CAMK4: variants seen among roughly 807,000 people sequenced by gnomAD.
CAMK4 encodes the protein calcium/calmodulin-dependent protein kinase type IV.
CAMK4 carries 22 observed loss-of-function variants against 44.9 expected under a neutral mutation model. That is an observed-to-expected ratio of 0.49 (90% confidence interval 0.35 to 0.70). The LOEUF is 0.70. CAMK4 is among the 30% of genes least tolerant of loss of function. The pLI, the probability that CAMK4 is intolerant of heterozygous loss-of-function variation, is 0.01. For synonymous variants in CAMK4, 218 were observed against 215.4 expected (o/e 1.01, Z -0.11); for missense variants, 498 against 586.8 (o/e 0.85, Z 1.56).
intron 5 of CAMK4, among the ~76,000 whole-genome samples, chr5:111,416,034 C>T (rs1373742110): frequency 6.6e-6 from 1 of 152,050 alleles, no homozygotes; most frequent in Non-Finnish European, 1.5e-5. Context: ...TGGAACCAAT[C>T]CCTCAGGGAT....
chr5:111,298,232 A>G (rs761174940), intron 1 of CAMK4, among the ~76,000 whole-genome samples: 1 of 152,252 alleles, frequency 6.6e-6, no homozygotes, highest in Non-Finnish European at 1.5e-5. Flanking sequence ...ATAAACATGC[A>G]TTATAAAATT....
At chr5:111,389,956 T>C (rs1286113491) in intron 4 of CAMK4, among the ~76,000 whole-genome samples, 1 of 152,032 alleles carries the variant, frequency 6.6e-6, no homozygotes, top group Non-Finnish European at 1.5e-5. Flanking sequence ...GAACTTTCTC[T>C]GTCACAGTAG....
chr5:111,314,627 A>C (rs1748343011), intron 1 of CAMK4, among the ~76,000 whole-genome samples: 1 of 152,084 alleles, frequency 6.6e-6, no homozygotes, highest in Non-Finnish European at 1.5e-5. Context: ...TGAACCAATT[A>C]ATTAGTTCCC....
chr5:111,296,256 C>T (rs953012419), intron 1 of CAMK4, among the ~76,000 whole-genome samples: 4 of 152,122 alleles, frequency 2.6e-5, no homozygotes, highest in African/African-American at 7.2e-5. Context: ...GTTAAGCTTC[C>T]GTTTAGGAAA....
At chr5:111,384,309 C>T (rs774921912) in intron 4 of CAMK4, among the ~76,000 whole-genome samples, 43 of 152,118 alleles carry the variant, frequency 2.8e-4, no homozygotes, top group Non-Finnish European at 5.4e-4. Context: ...TTTTGGACAG[C>T]GTCTCTTTTT....
Position 111,361,826 on chromosome 5 carries a change from A to G in CAMK4, c.241-13024A>G, listed in dbSNP as rs559596272. On this transcript the variant is annotated intron_variant, in intron 2 of 10. Coordinates refer to ENST00000282356, the MANE Select transcript of CAMK4 (RefSeq NM_001744.6). ...TCAGGCAGGAAGATTATATTAGGAT[A>G]CAGTTTAGGATTCTGATGAAGTTGT... Among the ~76,000 whole-genome samples, 9 of 152,190 alleles carry G rather than the reference A, an allele frequency of 5.9e-5. 1 individual carries two copies. The South Asian group carries it at 1.9e-3, about 32-fold the overall frequency.
intron 5 of CAMK4, among the ~76,000 whole-genome samples, chr5:111,433,933 G>A (rs1162003928): frequency 6.6e-6 from 1 of 152,176 alleles, no homozygotes; most frequent in East Asian, 1.9e-4. Flanking sequence ...ATCAATGATT[G>A]ACATGAGTTA....
At chr5:111,228,540 G>GTA (rs1383124613) in intron 1 of CAMK4, among the ~76,000 whole-genome samples, 1 of 147,910 alleles carries the variant, frequency 6.8e-6, no homozygotes, top group Non-Finnish European at 1.5e-5. Flanking sequence ...GTGTGTGTGT[G>GTA]TGTGTGTATA....
chr5:111,408,965 CTG>C (rs1305156537), intron 5 of CAMK4, among the ~76,000 whole-genome samples: 1 of 152,200 alleles, frequency 6.6e-6, no homozygotes, highest in African/African-American at 2.4e-5. Flanking sequence ...AGCTCTGCCT[CTG>C]TGGCTTTTCA....
intron 2 of CAMK4, among the ~76,000 whole-genome samples, chr5:111,348,593 C>G (rs1229533569): frequency 6.6e-6 from 1 of 151,826 alleles, no homozygotes; most frequent in Non-Finnish European, 1.5e-5. Context: ...TACATATCAG[C>G]CAGCATCATA....
chr5:111,255,353 CAG>C (rs1230718524), intron 1 of CAMK4, among the ~76,000 whole-genome samples: 3 of 152,192 alleles, frequency 2.0e-5, no homozygotes, highest in Non-Finnish European at 4.4e-5. Flanking sequence ...TCCTTACAAA[CAG>C]AAAGTGTTTT....
chr5:111,325,582 G>T lies in CAMK4; in HGVS notation c.162-18442G>T, dbSNP rs549532274. ...TAATAATCACCATTCTAACTGGCAT[G>T]CGATGGTATCTCATTGTGGTTTTGA... On this transcript the variant is annotated intron_variant, in intron 1 of 10. Transcript: ENST00000282356. Among the ~76,000 whole-genome samples, 24 of 152,194 alleles carry T rather than the reference G, an allele frequency of 1.6e-4. No individual in the cohort carries two copies. In the East Asian group the frequency reaches 4.7e-3, roughly 30 times the overall value.
At chr5:111,254,847 C>A (rs558509254) in intron 1 of CAMK4, among the ~76,000 whole-genome samples, 1 of 152,014 alleles carries the variant, frequency 6.6e-6, no homozygotes, top group Non-Finnish European at 1.5e-5. Flanking sequence ...GTACTGCAGT[C>A]AGGTTCTCGG....
chr5:111,262,801 T>C (rs1007677492), intron 1 of CAMK4, among the ~76,000 whole-genome samples: 11 of 152,352 alleles, frequency 7.2e-5, no homozygotes, highest in African/African-American at 2.4e-4. Context: ...TTCTGTCCTT[T>C]TGAACAAAAA....
chr5:111,414,834 A>G (rs1752761819), intron 5 of CAMK4, among the ~76,000 whole-genome samples: 1 of 152,222 alleles, frequency 6.6e-6, no homozygotes. Context: ...ACCTGTATAA[A>G]TAAAATTACA....
At chr5:111,267,191 G>A (rs568259208) in intron 1 of CAMK4, among the ~76,000 whole-genome samples, 1 of 152,094 alleles carries the variant, frequency 6.6e-6, no homozygotes, top group African/African-American at 2.4e-5. Context: ...GCCCTAAATA[G>A]GGAATAAGCC....
intron 1 of CAMK4, among the ~76,000 whole-genome samples, chr5:111,284,559 A>G (rs1163440152): frequency 1.3e-5 from 2 of 152,160 alleles, no homozygotes; most frequent in African/African-American, 2.4e-5. Flanking sequence ...AGCCTCAGAT[A>G]GTCTCTCTTG....
intron 1 of CAMK4, among the ~76,000 whole-genome samples, chr5:111,281,275 T>C (rs549215982): frequency 6.6e-6 from 1 of 152,352 alleles, no homozygotes; most frequent in South Asian, 2.1e-4. Context: ...GGGCTTATCC[T>C]AAAGCCTGCT....
At chr5:111,300,612 A>T (rs1747680552) in intron 1 of CAMK4, among the ~76,000 whole-genome samples, 1 of 152,254 alleles carries the variant, frequency 6.6e-6, no homozygotes, top group Non-Finnish European at 1.5e-5. Flanking sequence ...AGAAAATAAT[A>T]TAATTGACTT....
Sources: allele counts gnomAD v4.1 joint callset (sites outside exome capture counted in the v4.1 genomes callset), GRCh38; gene constraint gnomAD v4.1.1; transcripts MANE v1.5; gene names NCBI Gene and HGNC (gene_info 2026-07-23, HGNC 2026-07-21).